The following TACR3 variants were observed in gnomAD, a reference collection of about 807,000 sequenced individuals.
TACR3 encodes the protein neuromedin-K receptor.
A neutral mutation model predicts 35.0 loss-of-function variants in TACR3; 34 were observed. The observed-to-expected ratio is 0.97, with a 90% CI of 0.74 to 1.30. The LOEUF (loss-of-function observed/expected upper bound fraction) is 1.30, where lower values mean the gene tolerates loss of function less well. Ranked by LOEUF, TACR3 falls within the 50% of genes most tolerant of loss-of-function variation. TACR3 has a pLI of 0.00. For missense variants in TACR3, 558 were observed against 591.7 expected (o/e 0.94, Z 0.59); for synonymous variants, 233 against 221.1 (o/e 1.05, Z -0.48).
At chr4:103,590,079 G>A in intron 4 of TACR3, 85 bp from the exon 5 acceptor site, 1 of 1,516,132 alleles carries the variant, frequency 6.6e-7, no homozygotes, top group Non-Finnish European at 8.9e-7. Flanking sequence ...TCTACCTAAG[G>A]CAGTTATAAC....
At chr4:103,630,184 T>C (rs1419152516) in intron 3 of TACR3, among the ~76,000 whole-genome samples, 1 of 152,112 alleles carries the variant, frequency 6.6e-6, no homozygotes, top group Admixed American at 6.6e-5. Context: ...ATACAAAAAT[T>C]AATTCAAATG....
At chr4:103,590,450 A>G (rs1375948610) in intron 4 of TACR3, among the ~76,000 whole-genome samples, 1 of 152,204 alleles carries the variant, frequency 6.6e-6, no homozygotes, top group Non-Finnish European at 1.5e-5. Context: ...TAATGTTAGA[A>G]TTGCTAATCT....
At chr4:103,591,760 T>C in intron 3 of TACR3, 77 bp from the exon 4 acceptor site, 1 of 1,374,382 alleles carries the variant, frequency 7.3e-7, no homozygotes, top group Non-Finnish European at 1.0e-6. Context: ...ATCATGCTTT[T>C]CTGCCAATAC....
rs948449743 is a variant in TACR3 at position 103,586,427 on chromosome 4, C to T, written c.*3255G>A. ...AGAAGTGTGAGAAATGTTTGTAAGT[C>T]TCCTGCTTTTCTATTTGATGAAATA... On this transcript the variant is annotated 3_prime_UTR_variant, in exon 5 of 5. Transcript: ENST00000304883. 6.6e-6 allele frequency: 1 copy of T among 152,032 alleles called. No homozygotes were observed. The highest frequency in any genetic ancestry group is 1.5e-5 in the Non-Finnish European group (1 of 67,994). 9.4% of individuals were successfully genotyped at this position (152,032 alleles called of 1,614,324 possible).
At chr4:103,688,793 T>A (rs1163202518) in intron 1 of TACR3, among the ~76,000 whole-genome samples, 1 of 152,142 alleles carries the variant, frequency 6.6e-6, no homozygotes, top group Non-Finnish European at 1.5e-5. Context: ...ACTTTTACAC[T>A]GTTGGTGGAA....
At chr4:103,678,232 G>C (rs1383110391) in intron 1 of TACR3, among the ~76,000 whole-genome samples, 2 of 137,612 alleles carry the variant, frequency 1.5e-5, no homozygotes, top group Non-Finnish European at 3.2e-5. Context: ...AGTTATGTCT[G>C]ATGTTGATCT....
intron 3 of TACR3, among the ~76,000 whole-genome samples, chr4:103,633,868 TTTAG>T (rs1406957121): frequency 1.5e-4 from 23 of 152,096 alleles, no homozygotes; most frequent in African/African-American, 4.6e-4. Flanking sequence ...TATTCCTAAC[TTTAG>T]TTAGTTCTTT....
intron 1 of TACR3, among the ~76,000 whole-genome samples, chr4:103,672,259 A>C (rs950381500): frequency 1.3e-5 from 2 of 152,124 alleles, no homozygotes; most frequent in Admixed American, 6.6e-5. Flanking sequence ...AATGCTATCT[A>C]AAATGGTGAA....
chr4:103,604,641 C>T (rs1390897859), intron 3 of TACR3, among the ~76,000 whole-genome samples: 1 of 151,988 alleles, frequency 6.6e-6, no homozygotes, highest in African/African-American at 2.4e-5. Flanking sequence ...ATGTATCCAT[C>T]TGACAAAGGG....
chr4:103,596,595 C>CT (rs1429371249), intron 3 of TACR3, among the ~76,000 whole-genome samples: 4 of 151,948 alleles, frequency 2.6e-5, no homozygotes, highest in South Asian at 4.2e-4. Context: ...GATTAGAATC[C>CT]TTTTTTTAAA....
intron 3 of TACR3, among the ~76,000 whole-genome samples, chr4:103,655,697 G>A (rs1444890970): frequency 6.6e-6 from 1 of 151,828 alleles, no homozygotes; most frequent in Non-Finnish European, 1.5e-5. Context: ...CTTATCAGGG[G>A]AAAGAACACA....
chr4:103,604,843 A>G (rs1307370783), intron 3 of TACR3, among the ~76,000 whole-genome samples: 1 of 147,656 alleles, frequency 6.8e-6, no homozygotes, highest in Non-Finnish European at 1.5e-5. Flanking sequence ...TCTTTTTATT[A>G]TTATACTTTA....
intron 3 of TACR3, among the ~76,000 whole-genome samples, chr4:103,600,810 C>T (rs898780928): frequency 1.1e-4 from 17 of 152,282 alleles, no homozygotes; most frequent in African/African-American, 3.9e-4. Context: ...TTTGATTGCA[C>T]TGTGGTCTGA....
chr4:103,694,974 T>G (rs1487942377), intron 1 of TACR3, among the ~76,000 whole-genome samples: 1 of 152,196 alleles, frequency 6.6e-6, no homozygotes, highest in African/African-American at 2.4e-5. Flanking sequence ...TTTATTGTAA[T>G]GTTATAGTAT....
intron 3 of TACR3, among the ~76,000 whole-genome samples, chr4:103,613,248 G>T (rs548754601): frequency 6.6e-6 from 1 of 152,296 alleles, no homozygotes; most frequent in South Asian, 2.1e-4. Context: ...AAGAATTCTA[G>T]TCCCAACCTT....
chr4:103,603,699 T>G (rs904197280), intron 3 of TACR3, among the ~76,000 whole-genome samples: 2 of 152,200 alleles, frequency 1.3e-5, no homozygotes, highest in African/African-American at 4.8e-5. Context: ...GTAATGGGAT[T>G]GCTGGGTCAA....
intron 3 of TACR3, among the ~76,000 whole-genome samples, chr4:103,596,536 G>A (rs1724022369): frequency 6.6e-6 from 1 of 151,978 alleles, no homozygotes; most frequent in African/African-American, 2.4e-5. Flanking sequence ...GAATAAAAAT[G>A]GTCAGCTAGG....
Position 103,667,267 on chromosome 4 carries a change from C to T in TACR3, c.549-8864G>A, listed in dbSNP as rs368201254. Among the ~76,000 whole-genome samples the T allele has an allele frequency of 1.4e-4, 22 of 151,754 alleles. No individual in the cohort carries two copies. The East Asian group carries it at 3.7e-3, about 25-fold the overall frequency. On this transcript the variant is annotated intron_variant, in intron 1 of 4. Coordinates refer to ENST00000304883, the MANE Select transcript of TACR3 (RefSeq NM_001059.3). ...GTGAGACTTTGTCTCAAAAACAAAACAAAACAAAACAAAAACAAAAAAACT... is the reference window on the plus strand; with the variant it reads ...GTGAGACTTTGTCTCAAAAACAAAATAAAACAAAACAAAAACAAAAAAACT...
At chr4:103,616,571 A>AT (rs1290957050) in intron 3 of TACR3, among the ~76,000 whole-genome samples, 2 of 150,802 alleles carry the variant, frequency 1.3e-5, no homozygotes, top group African/African-American at 4.9e-5. Context: ...GTATGCTTAA[A>AT]TGCTATGCCT....
Sources: gnomAD v4.1 joint callset for allele counts (sites outside exome capture counted in the v4.1 genomes callset) on GRCh38, gnomAD v4.1.1 for gene constraint, MANE v1.5 for transcripts, NCBI Gene and HGNC (gene_info 2026-07-23, HGNC 2026-07-21) for gene names.